The following CYP19A1 variants were observed in gnomAD, a reference collection of about 807,000 sequenced individuals.
The protein encoded by CYP19A1 is cytochrome P450 family 19 subfamily A member 1, also known as aromatase.
Under a neutral mutation model 44.4 loss-of-function variants are expected in CYP19A1, and 32 were observed. That is an observed-to-expected ratio of 0.72 (90% CI 0.54 to 0.97). CYP19A1 has a LOEUF of 0.97. CYP19A1 is among the 50% of genes least tolerant of loss of function. The pLI, the probability that CYP19A1 is intolerant of heterozygous loss-of-function variation, is 0.00. For synonymous variants in CYP19A1, 212 were observed against 215.6 expected (o/e 0.98, Z 0.14); for missense variants, 598 against 637.8 (o/e 0.94, Z 0.67).
chr15:51,234,967 T>C (rs2033291655), intron 3 of CYP19A1, among the ~76,000 whole-genome samples: 1 of 152,038 alleles, frequency 6.6e-6, no homozygotes, highest in South Asian at 2.1e-4. Flanking sequence ...ACCTGTCTGC[T>C]GAGGGAAAGA....
At chr15:51,218,327 A>C (rs561021481) in intron 6 of CYP19A1, 1 of 616,146 alleles carries the variant, frequency 1.6e-6, no homozygotes, top group East Asian at 3.4e-5. Flanking sequence ...CTTGCCGAGA[A>C]GCTGCCCAGC....
intron 1 of CYP19A1, among the ~76,000 whole-genome samples, chr15:51,266,281 G>A (rs1019458313): frequency 7.9e-5 from 12 of 152,254 alleles, no homozygotes; most frequent in Admixed American, 7.9e-4. Context: ...ACAGAGCAGG[G>A]CAAGCACTGG....
intron 1 of CYP19A1, chr15:51,278,291 C>T (rs929161796): frequency 6.6e-6 from 1 of 152,112 alleles, no homozygotes; most frequent in African/African-American, 2.4e-5. Flanking sequence ...CCAAGAGAAG[C>T]TAATTACTAA....
intron 1 of CYP19A1, among the ~76,000 whole-genome samples, chr15:51,325,023 G>T (rs2036585138): frequency 6.6e-6 from 1 of 152,052 alleles, no homozygotes; most frequent in South Asian, 2.1e-4. Flanking sequence ...CCAGTTACAA[G>T]AAAAACAAAA....
chr15:51,334,021 C>T (rs1292837502), intron 1 of CYP19A1, among the ~76,000 whole-genome samples: 1 of 152,100 alleles, frequency 6.6e-6, no homozygotes, highest in East Asian at 1.9e-4. Flanking sequence ...TCTTAAAATC[C>T]TCCTTAATCT....
intron 1 of CYP19A1, among the ~76,000 whole-genome samples, chr15:51,314,278 A>G (rs1441993771): frequency 6.6e-6 from 1 of 152,074 alleles, no homozygotes; most frequent in South Asian, 2.1e-4. Context: ...AGCTTTCAAC[A>G]TGGGGACTAG....
chr15:51,337,304 G>C (rs916607229), intron 1 of CYP19A1, among the ~76,000 whole-genome samples: 3 of 152,132 alleles, frequency 2.0e-5, no homozygotes, highest in Non-Finnish European at 4.4e-5. Flanking sequence ...AAGAACTAAA[G>C]TGTCAACTAA....
At chr15:51,308,733 C>G (rs545225250) in intron 1 of CYP19A1, among the ~76,000 whole-genome samples, 1 of 152,292 alleles carries the variant, frequency 6.6e-6, no homozygotes, top group South Asian at 2.1e-4. Context: ...GGATTCTAGT[C>G]TACAATTTGC....
chr15:51,272,772 G>A (rs1346110824), intron 1 of CYP19A1, among the ~76,000 whole-genome samples: 1 of 152,182 alleles, frequency 6.6e-6, no homozygotes, highest in Non-Finnish European at 1.5e-5. Flanking sequence ...CCCAGCAGGA[G>A]AAAAATCCAC....
chr15:51,323,244 C>G (rs1448237653), intron 1 of CYP19A1, among the ~76,000 whole-genome samples: 1 of 152,204 alleles, frequency 6.6e-6, no homozygotes, highest in Non-Finnish European at 1.5e-5. Context: ...CTCCAGCCCT[C>G]TCTCTCCTTG....
chr15:51,232,789 G>A (rs929885440), intron 3 of CYP19A1, among the ~76,000 whole-genome samples: 2 of 152,094 alleles, frequency 1.3e-5, no homozygotes, highest in Non-Finnish European at 2.9e-5. Context: ...TGGTCTGTCT[G>A]TCCCCATCCC....
chr15:51,311,299 C>T (rs1176486669), intron 1 of CYP19A1, among the ~76,000 whole-genome samples: 3 of 152,078 alleles, frequency 2.0e-5, no homozygotes, highest in Non-Finnish European at 4.4e-5. Flanking sequence ...AACCAAATGG[C>T]AATATATTAG....
At chr15:51,231,605 AAAAG>A (rs2033038017) in intron 3 of CYP19A1, among the ~76,000 whole-genome samples, 1 of 151,554 alleles carries the variant, frequency 6.6e-6, no homozygotes, top group African/African-American at 2.4e-5. Flanking sequence ...GGCTGGGAAA[AAAAG>A]AAAAACCACA....
At chr15:51,231,294 A>T (rs1244328491) in intron 3 of CYP19A1, among the ~76,000 whole-genome samples, 2 of 152,206 alleles carry the variant, frequency 1.3e-5, no homozygotes, top group Non-Finnish European at 1.5e-5. Context: ...CTGATGAAAC[A>T]GTGAGAGAAA....
intron 1 of CYP19A1, among the ~76,000 whole-genome samples, chr15:51,247,065 G>A (rs953542060): frequency 1.3e-5 from 2 of 152,026 alleles, no homozygotes; most frequent in African/African-American, 4.8e-5. Context: ...ATTCTGTGGC[G>A]TTGGACCCAT....
intron 1 of CYP19A1, among the ~76,000 whole-genome samples, chr15:51,308,484 G>C (rs1352289642): frequency 2.0e-5 from 3 of 152,106 alleles, no homozygotes; most frequent in Non-Finnish European, 4.4e-5. Context: ...GGGAGGTATA[G>C]GTCTGAAGAA....
chr15:51,239,373 C>A (rs957587274), intron 2 of CYP19A1, among the ~76,000 whole-genome samples: 2 of 152,124 alleles, frequency 1.3e-5, no homozygotes, highest in African/African-American at 4.8e-5. Flanking sequence ...TCACAATAGC[C>A]CCAAACTAAA....
At chr15:51,251,031 A>G (rs1200561089) in intron 1 of CYP19A1, among the ~76,000 whole-genome samples, 1 of 152,192 alleles carries the variant, frequency 6.6e-6, no homozygotes, top group Non-Finnish European at 1.5e-5. Context: ...TTGGGGCCAG[A>G]TGAGCTGAGT....
intron 1 of CYP19A1, among the ~76,000 whole-genome samples, chr15:51,272,707 G>C (rs1052274801): frequency 6.6e-6 from 1 of 152,144 alleles, no homozygotes; most frequent in Non-Finnish European, 1.5e-5. Context: ...GCCTCCTCTA[G>C]AGTAGTACCA....
Sources: gnomAD v4.1 joint callset for allele counts (sites outside exome capture counted in the v4.1 genomes callset) on GRCh38, gnomAD v4.1.1 for gene constraint, MANE v1.5 for transcripts, NCBI Gene and HGNC (gene_info 2026-07-23, HGNC 2026-07-21) for gene names.